Variants in PIR observed in about 807,000 individuals in gnomAD.
PIR encodes the protein pirin (iron-binding nuclear protein).
In PIR, 22 loss-of-function variants were observed where a neutral mutation model predicts 24.2. The ratio of observed to expected loss-of-function variants is 0.91; its 90% CI spans 0.65 to 1.30. The LOEUF (loss-of-function observed/expected upper bound fraction) is 1.30. Among genes scored for constraint, PIR ranks in the 50% most tolerant of loss-of-function variants. The probability of loss-of-function intolerance (pLI) is 0.00; values close to 1 mark genes in which losing one functional copy is unlikely to be tolerated. For missense variants in PIR, 220 were observed against 220.3 expected, an observed-to-expected ratio of 1.00 and a Z score of 0.01; for synonymous variants, 80 against 79.6, an observed-to-expected ratio of 1.00 and a Z score of -0.03.
intron 5 of PIR, among the ~76,000 whole-genome samples, chrX:15,432,359 T>C (rs369701761): frequency 2.7e-5 from 3 of 112,025 alleles, no homozygotes; most frequent in East Asian, 2.8e-4. Context: ...AACTTTAAAA[T>C]GTGGTACTTG....
chrX:15,416,100 T>A (rs960131940), intron 6 of PIR, among the ~76,000 whole-genome samples: 4 of 111,619 alleles, frequency 3.6e-5, no homozygotes, highest in Admixed American at 9.5e-5. Flanking sequence ...AGGAAAATGA[T>A]GTTAAACTTC....
At chrX:15,456,800 G>T (rs1003046467) in intron 4 of PIR, among the ~76,000 whole-genome samples, 6 of 112,330 alleles carry the variant, frequency 5.3e-5, no homozygotes, top group African/African-American at 1.9e-4. Flanking sequence ...TGGAACCCTC[G>T]CTACTTGGAG....
At chrX:15,489,595 T>G (rs1412777181) in intron 2 of PIR, among the ~76,000 whole-genome samples, 2 of 111,934 alleles carry the variant, frequency 1.8e-5, no homozygotes, top group African/African-American at 6.5e-5. Flanking sequence ...ACCAACTCCA[T>G]CTGCATCTCC....
At chrX:15,401,996 T>G (rs1363478632) in intron 7 of PIR, among the ~76,000 whole-genome samples, 1 of 112,580 alleles carries the variant, frequency 8.9e-6, no homozygotes, top group African/African-American at 3.2e-5. Flanking sequence ...TCAAACTGCT[T>G]CAAACATTTT....
chrX:15,388,692 T>G (rs889411006), intron 9 of PIR, among the ~76,000 whole-genome samples: 7 of 111,941 alleles, frequency 6.3e-5, no homozygotes, highest in African/African-American at 2.3e-4. Context: ...CATTCTATGA[T>G]TTCCTGTGCT....
At chrX:15,425,699 C>T (rs1014283717) in intron 6 of PIR, among the ~76,000 whole-genome samples, 1 of 112,116 alleles carries the variant, frequency 8.9e-6, no homozygotes, top group African/African-American at 3.2e-5. Flanking sequence ...CGTGAGCCAC[C>T]GTGCCCGGCC....
At chrX:15,445,376 G>A (rs1336215981) in intron 5 of PIR, among the ~76,000 whole-genome samples, 3 of 110,594 alleles carry the variant, frequency 2.7e-5, no homozygotes, top group African/African-American at 9.9e-5. Context: ...CACACACCCG[G>A]GCCAGTCGGG....
intron 5 of PIR, among the ~76,000 whole-genome samples, chrX:15,451,695 C>T (rs1920967467): frequency 8.9e-6 from 1 of 112,055 alleles, no homozygotes; most frequent in Non-Finnish European, 1.9e-5. Context: ...GCTAAGTGCA[C>T]AGTGGTATGA....
chrX:15,402,725 A>C (rs778929439), intron 7 of PIR, among the ~76,000 whole-genome samples: 22 of 107,770 alleles, frequency 2.0e-4, no homozygotes, highest in African/African-American at 7.1e-4. Context: ...TCTACTCTCT[A>C]TGTTCATGAG....
rs762570445 is a variant in PIR at position 15,400,503 on chromosome X, C to A, written c.611-2972G>T. The stretch of plus-strand genomic sequence containing the variant: ...TGGAGTGAGCTGGCAAAAGAGTGCT[C>A]AAAAATAATGCTGAATTGGTATTTC... On this transcript the variant is annotated intron_variant, in intron 7 of 9. Coordinates refer to ENST00000380420, the MANE Select transcript of PIR (RefSeq NM_001018109.3). Among the ~76,000 whole-genome samples, 343 of 111,387 alleles carry A rather than the reference C, an allele frequency of 3.1e-3. 1 individual carries two copies. Among genetic ancestry groups the A allele is most frequent in the Admixed American group, 7.8e-3 (82 of 10,481 alleles).
intron 2 of PIR, among the ~76,000 whole-genome samples, chrX:15,486,298 CAA>C (rs59774013): frequency 5.0e-5 from 2 of 39,688 alleles, no homozygotes; most frequent in Admixed American, 4.5e-4. Context: ...GACTCTGTCT[CAA>C]AAAAAAAAAA....
chrX:15,466,016 T>TTG (rs1343445278), intron 3 of PIR, among the ~76,000 whole-genome samples: 14 of 99,250 alleles, frequency 1.4e-4, no homozygotes, highest in African/African-American at 3.8e-4. Flanking sequence ...GTTTTTTTTT[T>TTG]TTTTTTTTTT....
intron 3 of PIR, among the ~76,000 whole-genome samples, chrX:15,463,300 G>A (rs1364799025): frequency 8.9e-6 from 1 of 111,845 alleles, no homozygotes; most frequent in Non-Finnish European, 1.9e-5. Context: ...TTCTCAATTG[G>A]TTGAGAATTC....
chrX:15,392,980 T>C (rs914190210), intron 8 of PIR, among the ~76,000 whole-genome samples: 29 of 112,574 alleles, frequency 2.6e-4, no homozygotes, highest in African/African-American at 9.0e-4. Context: ...GATGACTTTG[T>C]CTATGGTGTC....
At chrX:15,450,356 T>C (rs913902551) in intron 5 of PIR, among the ~76,000 whole-genome samples, 19 of 106,402 alleles carry the variant, frequency 1.8e-4, no homozygotes, top group African/African-American at 6.5e-4. Flanking sequence ...TCACACTCTC[T>C]GCCATTAGGA....
chrX:15,484,627 A>C (rs1922712130), intron 2 of PIR, among the ~76,000 whole-genome samples: 1 of 111,486 alleles, frequency 9.0e-6, no homozygotes, highest in Admixed American at 9.5e-5. Flanking sequence ...AATCTTCTTA[A>C]AGAATACCTA....
rs1925294836 is a variant in PIR, at chrX:15,425,852, T to G, written c.565+54A>C. 4.0e-6 allele frequency: 3 copies of G among 745,838 alleles called. No homozygotes were observed. The African/African-American group carries it at 6.5e-5, about 16-fold the overall frequency. 61.5% of individuals were successfully genotyped at this position (745,838 alleles called of 1,213,427 possible). A position where few individuals can be genotyped will look rare whatever the true frequency, so the allele number is the denominator to read the frequency against. On this transcript the variant is annotated intron_variant, in intron 6 of 9. Coordinates refer to ENST00000380420, the MANE Select transcript of PIR (RefSeq NM_001018109.3). Reference sequence around the variant, plus strand: ...GGCAAAACAGCCTCTTGTTGGTTTTTTCTTTTCTTTTTTTTTTCCTGACGT... The same window carrying G: ...GGCAAAACAGCCTCTTGTTGGTTTTGTCTTTTCTTTTTTTTTTCCTGACGT...
At chrX:15,390,039 A>T (rs948407326) in intron 9 of PIR, 146 bp downstream of exon 9, 1 of 319,179 alleles carries the variant, frequency 3.1e-6, no homozygotes, top group Non-Finnish European at 5.6e-6. Flanking sequence ...CCCTCTGATG[A>T]CAGAAAAATT....
At chrX:15,416,864 G>A (rs1224618444) in intron 6 of PIR, among the ~76,000 whole-genome samples, 1 of 112,027 alleles carries the variant, frequency 8.9e-6, no homozygotes, top group Non-Finnish European at 1.9e-5. Context: ...GCAACCACAT[G>A]AGTGTGAGCT....
Sources: allele counts gnomAD v4.1 joint callset (sites outside exome capture counted in the v4.1 genomes callset), GRCh38; gene constraint gnomAD v4.1.1; transcripts MANE v1.5; gene names NCBI Gene and HGNC (gene_info 2026-07-23, HGNC 2026-07-21).